FDX1: variants seen among roughly 807,000 people sequenced by gnomAD.
FDX1 encodes the protein ferredoxin 1.
Under a neutral mutation model 14.9 loss-of-function variants are expected in FDX1, and 9 were observed. The observed-to-expected ratio is 0.60, with a 90% CI of 0.36 to 1.05. The LOEUF (loss-of-function observed/expected upper bound fraction) is 1.05, where lower values mean the gene tolerates loss of function less well. Among genes scored for constraint, FDX1 ranks in the 50% least tolerant of loss-of-function variants. The pLI is 0.01. For missense variants in FDX1, 204 were observed against 237.2 expected (o/e 0.86, Z 0.92); for synonymous variants, 92 against 99.4 (o/e 0.93, Z 0.44).
chr11:110,431,999 C>T (rs759739041), intron 1 of FDX1, among the ~76,000 whole-genome samples: 14 of 152,120 alleles, frequency 9.2e-5, no homozygotes, highest in Non-Finnish European at 1.8e-4. Flanking sequence ...GATTCAATCT[C>T]GTAGTTACAC....
chr11:110,435,322 G>GT (rs1260993695), intron 1 of FDX1, among the ~76,000 whole-genome samples: 2 of 152,316 alleles, frequency 1.3e-5, no homozygotes, highest in African/African-American at 4.8e-5. Context: ...AAGTACTGGG[G>GT]TTACAGGTGC....
At chr11:110,439,163 C>CCGGCCTG (rs1946389653) in intron 2 of FDX1, among the ~76,000 whole-genome samples, 1 of 151,720 alleles carries the variant, frequency 6.6e-6, no homozygotes, top group South Asian at 2.1e-4. Flanking sequence ...ACCTTGGCCT[C>CCGGCCTG]CCAAGTACTG....
intron 1 of FDX1, 77 bp downstream of exon 1, chr11:110,430,382 T>G: frequency 9.7e-7 from 1 of 1,028,618 alleles, no homozygotes; most frequent in Non-Finnish European, 1.2e-6. Flanking sequence ...CTGGGCCGAG[T>G]CTCTGGTTCC....
chr11:110,432,251 T>C (rs1407309982), intron 1 of FDX1, among the ~76,000 whole-genome samples: 1 of 152,174 alleles, frequency 6.6e-6, no homozygotes, highest in Non-Finnish European at 1.5e-5. Flanking sequence ...GTGATTCAGG[T>C]AGCAAAGATC....
intron 2 of FDX1, among the ~76,000 whole-genome samples, chr11:110,442,815 A>G (rs1323156905): frequency 6.6e-6 from 1 of 152,116 alleles, no homozygotes; most frequent in Non-Finnish European, 1.5e-5. Context: ...GCAGAATGAT[A>G]TGGTCTAGCC....
At chr11:110,455,552 A>G (rs959507003) in intron 2 of FDX1, among the ~76,000 whole-genome samples, 10 of 152,130 alleles carry the variant, frequency 6.6e-5, no homozygotes, top group Non-Finnish European at 1.3e-4. Flanking sequence ...AACCCGAATC[A>G]CTGTTTTTAA....
intron 1 of FDX1, among the ~76,000 whole-genome samples, chr11:110,431,628 A>G (rs958157804): frequency 7.2e-5 from 11 of 152,316 alleles, no homozygotes; most frequent in South Asian, 2.1e-4. Flanking sequence ...CTGTTATACA[A>G]TGGATGAGTT....
intron 2 of FDX1, among the ~76,000 whole-genome samples, chr11:110,437,917 G>A (rs767072495): frequency 1.1e-4 from 17 of 152,100 alleles, no homozygotes; most frequent in African/African-American, 4.1e-4. Flanking sequence ...TAATTTACTC[G>A]GGATAATGGC....
chr11:110,430,197 A>C lies in FDX1; in HGVS notation c.77A>C (p.His26Pro). ...VLGGPAGRWLHHAGSRAGSSG... is the reference protein window; with the variant it reads ...VLGGPAGRWLPHAGSRAGSSG... The stretch of plus-strand genomic sequence containing the variant: ...GGCGGCCCGGCCGGCCGGTGGCTGC[A>C]CCACGCTGGGTCCCGCGCTGGATCC... Residue 26 changes from histidine to proline, a missense_variant, in exon 1 of 4, where the codon CAC becomes CCC. Coordinates refer to ENST00000260270, the MANE Select transcript of FDX1 (RefSeq NM_004109.5). The C allele has an allele frequency of 8.1e-7, 1 of 1,227,132 alleles. No homozygotes were observed. Among genetic ancestry groups the C allele is most frequent in the African/African-American group, 1.6e-5 (1 of 63,634 alleles). The allele number at this position is 1,227,132 out of a possible 1,614,324, so 76.0% of individuals were successfully genotyped here.
At chr11:110,443,560 C>A (rs1271757229) in intron 2 of FDX1, among the ~76,000 whole-genome samples, 1 of 151,532 alleles carries the variant, frequency 6.6e-6, no homozygotes, top group Non-Finnish European at 1.5e-5. Context: ...CCTGCCTTAG[C>A]CTCCTGAGTA....
Position 110,462,439 on chromosome 11 carries a change from C to T in FDX1, c.526C>T (p.Gln176Ter). ...GCCTGAAACAGTGGCTGATGCCAGA[C>T]AATCCATTGATGTGGGCAAGACCTC... is the stretch of plus-strand genomic sequence containing the variant. ...RVPETVADAR[Q>*]SIDVGKTS The change falls in exon 4 of 4, where the codon CAA (glutamine) becomes TAA (stop). Residue 176 changes from glutamine (Q) to a stop codon, truncating the protein, a stop_gained. Coordinates refer to ENST00000260270, the MANE Select transcript of FDX1 (RefSeq NM_004109.5). LOFTEE classifies it high-confidence loss of function. 2 of 1,578,564 alleles carry T rather than the reference C, an allele frequency of 1.3e-6. No individual in the cohort carries two copies. Among genetic ancestry groups the T allele is most frequent in the Non-Finnish European group, 1.7e-6 (2 of 1,147,848 alleles).
intron 2 of FDX1, among the ~76,000 whole-genome samples, chr11:110,437,996 A>G (rs941912282): frequency 3.3e-5 from 5 of 152,338 alleles, no homozygotes; most frequent in Admixed American, 1.3e-4. Flanking sequence ...ATTCCGTGGT[A>G]TATGTGTATT....
intron 2 of FDX1, among the ~76,000 whole-genome samples, chr11:110,441,531 C>A (rs1946404134): frequency 6.6e-6 from 1 of 152,212 alleles, no homozygotes; most frequent in South Asian, 2.1e-4. Flanking sequence ...AGCAAAGAGA[C>A]TAGCGCATTT....
At chr11:110,447,273 C>CAAAAAAAAAAAA (rs541827807) in intron 2 of FDX1, among the ~76,000 whole-genome samples, 2 of 75,750 alleles carry the variant, frequency 2.6e-5, no homozygotes, top group Non-Finnish European at 2.7e-5. Context: ...ACTAAAAATA[C>CAAAAAAAAAAAA]AAAAAAAAAA....
intron 2 of FDX1, among the ~76,000 whole-genome samples, chr11:110,447,273 C>CAAAAAAAAAAAAAAAAAA (rs541827807): frequency 1.3e-5 from 1 of 75,752 alleles, no homozygotes; most frequent in African/African-American, 4.9e-5. Context: ...ACTAAAAATA[C>CAAAAAAAAAAAAAAAAAA]AAAAAAAAAA....
At chr11:110,453,872 C>T (rs1403855781) in intron 2 of FDX1, among the ~76,000 whole-genome samples, 1 of 152,152 alleles carries the variant, frequency 6.6e-6, no homozygotes, top group Admixed American at 6.5e-5. Flanking sequence ...TTAGCTTTCT[C>T]TGGTTTAGTG....
intron 2 of FDX1, among the ~76,000 whole-genome samples, chr11:110,450,376 T>A (rs1351637657): frequency 6.6e-6 from 1 of 151,870 alleles, no homozygotes; most frequent in East Asian, 1.9e-4. Context: ...CATGCACAGT[T>A]CACAGTAGGG....
Position 110,457,050 on chromosome 11 carries a change from A to G in FDX1, c.440+3A>G, listed in dbSNP as rs1422814076. On this transcript the variant is annotated splice_donor_region_variant and intron_variant, in intron 3 of 3. Coordinates refer to ENST00000260270, the MANE Select transcript of FDX1 (RefSeq NM_004109.5). ...CTGGCATATGGACTAACAGACAGGTAAGATTTTTGGACTGCTTCAATTGTA... is the reference window on the plus strand; with the variant it reads ...CTGGCATATGGACTAACAGACAGGTGAGATTTTTGGACTGCTTCAATTGTA... 13 of 1,608,654 alleles carry G rather than the reference A, an allele frequency of 8.1e-6. No homozygotes were observed. Among genetic ancestry groups the G allele is most frequent in the Admixed American group, 3.4e-5 (2 of 59,674 alleles).
intron 2 of FDX1, among the ~76,000 whole-genome samples, chr11:110,448,361 A>T (rs1181686516): frequency 6.6e-6 from 1 of 152,168 alleles, no homozygotes; most frequent in African/African-American, 2.4e-5. Context: ...TTTACACATA[A>T]TTTCCATTTC....
Sources: gnomAD v4.1 joint callset for allele counts (sites outside exome capture counted in the v4.1 genomes callset) on GRCh38, gnomAD v4.1.1 for gene constraint, MANE v1.5 for transcripts, NCBI Gene and HGNC (gene_info 2026-07-23, HGNC 2026-07-21) for gene names.